DMD: variants seen among roughly 807,000 people sequenced by gnomAD.
DMD encodes mutant dystrophin.
Under a neutral mutation model 330.1 loss-of-function variants are expected in DMD, and 63 were observed. The ratio of observed to expected loss-of-function variants is 0.19; its 90% CI spans 0.16 to 0.24. The LOEUF is 0.24. Among genes scored for constraint, DMD ranks in the 10% least tolerant of loss-of-function variants. The probability of loss-of-function intolerance (pLI) is 1.00; values close to 1 mark genes in which losing one functional copy is unlikely to be tolerated. For synonymous variants in DMD, 1,223 were observed against 959.8 expected (o/e 1.27, Z -5.07); for missense variants, 3,344 against 2,684.1 (o/e 1.25, Z -5.43).
chrX:31,897,973 G>C (rs2094368042), intron 47 of DMD, among the ~76,000 whole-genome samples: 1 of 110,788 alleles, frequency 9.0e-6, no homozygotes, highest in Non-Finnish European at 1.9e-5. Context: ...ATTGGTTTTG[G>C]TGTTTTAGAC....
chrX:32,921,435 A>G (rs1348833559), intron 2 of DMD, among the ~76,000 whole-genome samples: 1 of 112,119 alleles, frequency 8.9e-6, no homozygotes, highest in Non-Finnish European at 1.9e-5. Context: ...TTTTTCACCA[A>G]TCATATTGGC....
At chrX:32,206,966 C>T (rs921096022) in intron 44 of DMD, among the ~76,000 whole-genome samples, 3 of 111,096 alleles carry the variant, frequency 2.7e-5, no homozygotes, top group Non-Finnish European at 5.7e-5. Flanking sequence ...GAATGTTATG[C>T]TAGGACATAG....
At chrX:33,005,803 G>T (rs757090600) in intron 2 of DMD, among the ~76,000 whole-genome samples, 1 of 110,815 alleles carries the variant, frequency 9.0e-6, no homozygotes, top group East Asian at 2.8e-4. Flanking sequence ...TTGGAATGTA[G>T]AAATGAAGCT....
At chrX:33,048,157 CAT>C (rs2094408002) in intron 1 of DMD, among the ~76,000 whole-genome samples, 1 of 111,747 alleles carries the variant, frequency 8.9e-6, no homozygotes, top group Admixed American at 9.6e-5. Flanking sequence ...GATACAGACA[CAT>C]AGATTCACAT....
intron 43 of DMD, among the ~76,000 whole-genome samples, chrX:32,224,769 A>G (rs1006648462): frequency 2.7e-5 from 3 of 111,523 alleles, no homozygotes; most frequent in Non-Finnish European, 5.7e-5. Context: ...CCTTGTTCTC[A>G]GGCTTCAAAT....
chrX:31,605,908 C>T (rs1425434008), intron 55 of DMD, among the ~76,000 whole-genome samples: 1 of 111,659 alleles, frequency 9.0e-6, no homozygotes, highest in Non-Finnish European at 1.9e-5. Flanking sequence ...AGTTCTAAAT[C>T]ATTTCCATTA....
Position 31,173,082 on chromosome X carries a change from G to A in DMD, c.10328+457C>T, listed in dbSNP as rs746480316. On this transcript the variant is annotated intron_variant, in intron 72 of 78. Transcript: ENST00000357033. ...AAATCATCTCAAACACAAAGAAGGT[G>A]AGACAGAAAAGTCCAAGGATTAGGA... 7.2e-5 allele frequency among the ~76,000 whole-genome samples: 8 copies of A among 111,786 alleles called. 1 individual carries two copies. In the South Asian group the frequency reaches 2.3e-3, roughly 32 times the overall value.
intron 44 of DMD, among the ~76,000 whole-genome samples, chrX:32,000,588 T>G (rs2095619370): frequency 9.0e-6 from 1 of 111,304 alleles, no homozygotes; most frequent in South Asian, 3.7e-4. Flanking sequence ...TTTAAAGGAT[T>G]TATTTTTCTA....
intron 41 of DMD, among the ~76,000 whole-genome samples, chrX:32,323,107 C>T (rs1266853171): frequency 8.9e-6 from 1 of 111,901 alleles, no homozygotes; most frequent in African/African-American, 3.2e-5. Flanking sequence ...CATGTACAGA[C>T]ATTTTTATTG....
At chrX:32,756,035 C>T (rs2071462003) in intron 7 of DMD, 1 of 112,380 alleles carries the variant, frequency 8.9e-6, no homozygotes, top group South Asian at 3.6e-4. Context: ...AATTAATGTG[C>T]TATGGCTATT....
chrX:32,085,633 T>C (rs202044906), intron 44 of DMD, among the ~76,000 whole-genome samples: 2 of 90,150 alleles, frequency 2.2e-5, no homozygotes, highest in East Asian at 3.8e-4. Flanking sequence ...TATATACACA[T>C]ATATACGTAT....
Position 31,121,887 on chromosome X carries a change from G to C in DMD, c.*32C>G. 8.3e-7 allele frequency: 1 copy of C among 1,207,643 alleles called. No individual in the cohort carries two copies. Among genetic ancestry groups the C allele is most frequent in the African/African-American group, 1.7e-5 (1 of 57,741 alleles). ...CTGATACTAAGGACTCCATCGCTCT[G>C]CCCAAATCATCTGCCATGTGGAAAA... On this transcript the variant is annotated 3_prime_UTR_variant, in exon 79 of 79. Transcript: ENST00000357033.
At chrX:31,622,024 G>C (rs1395262393) in intron 55 of DMD, among the ~76,000 whole-genome samples, 2 of 111,620 alleles carry the variant, frequency 1.8e-5, no homozygotes, top group South Asian at 3.8e-4. Context: ...TGTGGGCAGA[G>C]ATATTTTTAA....
chrX:32,320,889 T>C (rs752985502), intron 41 of DMD, among the ~76,000 whole-genome samples: 1 of 111,692 alleles, frequency 9.0e-6, no homozygotes, highest in African/African-American at 3.2e-5. Flanking sequence ...AAAGGTAATT[T>C]AGACAGGCTA....
chrX:32,863,725 A>G (rs1036816664), intron 2 of DMD, among the ~76,000 whole-genome samples: 11 of 111,071 alleles, frequency 9.9e-5, no homozygotes, highest in African/African-American at 3.6e-4. Flanking sequence ...TCCAAAGATG[A>G]CTTTAATTAA....
rs1260463827 is a variant in DMD, at chrX:32,912,770, A to G, written c.94-62950T>C. ...AAGACTATAAAACAAAGCAAATTTC[A>G]CGACCACCGTTATCTCTGGTGGTAG... On this transcript the variant is annotated intron_variant, in intron 2 of 78. Coordinates refer to ENST00000357033, the MANE Select transcript of DMD (RefSeq NM_004006.3). Among the ~76,000 whole-genome samples, 3 of 111,384 alleles carry G rather than the reference A, an allele frequency of 2.7e-5. No homozygotes were observed. The East Asian group carries it at 8.4e-4, about 31-fold the overall frequency.
intron 2 of DMD, among the ~76,000 whole-genome samples, chrX:32,990,423 A>T (rs2092944513): frequency 9.0e-6 from 1 of 111,692 alleles, no homozygotes; most frequent in African/African-American, 3.3e-5. Context: ...CATATTCTAG[A>T]TTAATCCAGG....
chrX:33,255,675 C>T (rs187593474), intron 1 of DMD, among the ~76,000 whole-genome samples: 14 of 111,321 alleles, frequency 1.3e-4, no homozygotes, highest in African/African-American at 3.6e-4. Flanking sequence ...TGTAAACAGA[C>T]TAGATGATCT....
At chrX:32,369,731 C>G (rs1358810321) in intron 34 of DMD, among the ~76,000 whole-genome samples, 1 of 111,059 alleles carries the variant, frequency 9.0e-6, no homozygotes, top group Non-Finnish European at 1.9e-5. Flanking sequence ...GATAACTTCT[C>G]TGTCTGATCT....
Sources: gnomAD v4.1 joint callset for allele counts (sites outside exome capture counted in the v4.1 genomes callset) on GRCh38, gnomAD v4.1.1 for gene constraint, MANE v1.5 for transcripts, NCBI Gene and HGNC (gene_info 2026-07-23, HGNC 2026-07-21) for gene names.